The following GALNT16 variants were observed in gnomAD, a reference collection of about 807,000 sequenced individuals.
GALNT16 encodes the protein polypeptide N-acetylgalactosaminyltransferase 16.
GALNT16 carries 40 observed loss-of-function variants against 76.1 expected under a neutral mutation model. The observed-to-expected ratio is 0.53, with a 90% CI of 0.41 to 0.68. The LOEUF (loss-of-function observed/expected upper bound fraction) is 0.68, where lower values mean the gene tolerates loss of function less well. Ranked by LOEUF, GALNT16 falls within the 30% of genes least tolerant of loss-of-function variation. The pLI is 0.00. For synonymous variants in GALNT16, 276 were observed against 285.2 expected (o/e 0.97, Z 0.32); for missense variants, 621 against 731.9 (o/e 0.85, Z 1.75).
At position 69,324,737 on chromosome 14, in the gene GALNT16, C is replaced by T. The variant is rs1746238111; in HGVS notation, c.381C>T (p.Val127=). 1 of 1,613,392 alleles carries T rather than the reference C, an allele frequency of 6.2e-7. No homozygotes were observed. Residue 127 remains valine, a synonymous_variant, in exon 3 of 15, where the codon GTC becomes GTT. Coordinates refer to ENST00000448469, the MANE Select transcript of GALNT16 (RefSeq NM_001168368.2). The part of the protein sequence containing the change: ...SYSSDLPATS[V]IITFHNEARS... ...CCTCGGACCTGCCAGCCACCAGCGT[C>T]ATCATCACCTTCCACAATGAGGCCC...
the GALNT16 span, among the ~76,000 whole-genome samples, chr14:69,363,742 C>G: frequency 6.6e-6 from 1 of 152,168 alleles, no homozygotes; most frequent in African/African-American, 2.4e-5. Context: ...CTAGAAGGCA[C>G]TGACTCTAAC....
At chr14:69,360,223 C>T (rs1337661030), downstream of GALNT16, among the ~76,000 whole-genome samples, 1 of 151,760 alleles carries the variant, frequency 6.6e-6, no homozygotes, top group Non-Finnish European at 1.5e-5. Flanking sequence ...TGTGGTGGTG[C>T]ATGCCTGTAG....
In GALNT16 at chr14:69,325,337, T is replaced by C. The variant is rs760619333; in HGVS notation, c.435T>C (p.Ser145=). 1.2e-5 allele frequency: 19 copies of C among 1,579,570 alleles called. No homozygotes were observed. The South Asian group carries it at 2.1e-4, about 17-fold the overall frequency. Residue 145 remains serine, a splice_region_variant and synonymous_variant, in exon 4 of 15, where the codon AGT becomes AGC. Transcript: ENST00000448469. ...TTCTCTGTTTCCACTGCTACTGTAG[T>C]GTCCTGAACCGAACTCCTGCCAACT... ...ARSTLLRTVK[S]VLNRTPANLI...
Position 69,352,020 on chromosome 14 carries a change from G to A in GALNT16, c.1540-11G>A. The stretch of plus-strand genomic sequence containing the variant: ...CTCCTTCCTCTTCTAACCCATCTCT[G>A]TTCCTCCTAGAAATGGAGGAGAAAA... On this transcript the variant is annotated splice_polypyrimidine_tract_variant and intron_variant, in intron 14 of 14. Transcript: ENST00000448469. 1 of 1,606,278 alleles carries A rather than the reference G, an allele frequency of 6.2e-7. No homozygotes were observed.
intron 1 of GALNT16, among the ~76,000 whole-genome samples, chr14:69,264,546 T>C (rs1257762459): frequency 6.6e-6 from 1 of 152,166 alleles, no homozygotes; most frequent in Non-Finnish European, 1.5e-5. Flanking sequence ...AAATGATGGC[T>C]TTTCTGGTAG....
At chr14:69,384,507 G>A in the GALNT16 span, among the ~76,000 whole-genome samples, 1 of 152,100 alleles carries the variant, frequency 6.6e-6, no homozygotes, top group Non-Finnish European at 1.5e-5. Flanking sequence ...ATGATCCTTT[G>A]CTTCAAGTTT....
rs545114020 is a variant in GALNT16, at chr14:69,273,817, A to C, written c.177+13350A>C. Among the ~76,000 whole-genome samples the C allele has an allele frequency of 5.9e-5, 9 of 152,348 alleles. 1 individual carries two copies. The East Asian group carries it at 1.2e-3, about 20-fold the overall frequency. On this transcript the variant is annotated intron_variant, in intron 1 of 14. Coordinates refer to ENST00000448469, the MANE Select transcript of GALNT16 (RefSeq NM_001168368.2). The stretch of plus-strand genomic sequence containing the variant: ...TCAGCCTACTGGCAAGATAGGACAT[A>C]GTTAGAGCCGTAAACCCAAGAAGAG...
chr14:69,294,974 G>A (rs1342269590), intron 1 of GALNT16, among the ~76,000 whole-genome samples: 1 of 152,132 alleles, frequency 6.6e-6, no homozygotes, highest in Non-Finnish European at 1.5e-5. Context: ...GAATGGATAT[G>A]CCTCATATTT....
chr14:69,377,804 C>CAAAAAAAAAAAA, the GALNT16 span, among the ~76,000 whole-genome samples: 5 of 37,486 alleles, frequency 1.3e-4, no homozygotes, highest in Non-Finnish European at 1.8e-4. Context: ...GAGACTGTCT[C>CAAAAAAAAAAAA]AAAAAAAAAA....
At chr14:69,360,280 G>A (rs2045716172), downstream of GALNT16, among the ~76,000 whole-genome samples, 1 of 151,954 alleles carries the variant, frequency 6.6e-6, no homozygotes, top group Non-Finnish European at 1.5e-5. Flanking sequence ...TTGATCCCAG[G>A]AGGTTGAGGC....
At chr14:69,286,241 T>C (rs2044609848) in intron 1 of GALNT16, among the ~76,000 whole-genome samples, 1 of 151,914 alleles carries the variant, frequency 6.6e-6, no homozygotes, top group South Asian at 2.1e-4. Context: ...ATTACTGCTC[T>C]ATTTCTTGGT....
chr14:69,368,833 C>T, the GALNT16 span, among the ~76,000 whole-genome samples: 3 of 152,154 alleles, frequency 2.0e-5, no homozygotes, highest in African/African-American at 4.8e-5. Flanking sequence ...TGGTAAAACT[C>T]GAAGACAATG....
At chr14:69,384,211 T>C in the GALNT16 span, among the ~76,000 whole-genome samples, 1 of 152,358 alleles carries the variant, frequency 6.6e-6, no homozygotes, top group Admixed American at 6.5e-5. Flanking sequence ...TTTAAGAACA[T>C]GCTTGTAATT....
the GALNT16 span, among the ~76,000 whole-genome samples, chr14:69,377,958 T>C: frequency 6.6e-6 from 1 of 152,170 alleles, no homozygotes; most frequent in African/African-American, 2.4e-5. Context: ...AAGACCATCC[T>C]GATGTAAAGT....
At chr14:69,356,158 C>G (rs1004805820), downstream of GALNT16, 1 of 152,270 alleles carries the variant, frequency 6.6e-6, no homozygotes, top group African/African-American at 2.4e-5. Flanking sequence ...CACTGCCAGG[C>G]ACTTAGGAAA....
intron 2 of GALNT16, among the ~76,000 whole-genome samples, chr14:69,322,990 A>G (rs200277636): frequency 0.24 from 5,357 of 22,088 alleles, 304 homozygotes; most frequent in African/African-American, 0.42. Flanking sequence ...GTGCGCGCGC[A>G]CGCGCGCACG....
At chr14:69,372,280 C>T in the GALNT16 span, among the ~76,000 whole-genome samples, 119 of 152,200 alleles carry the variant, frequency 7.8e-4, 2 homozygotes, top group East Asian at 0.022. Context: ...GTGATCCATC[C>T]ACAGGCTCTT....
intron 1 of GALNT16, among the ~76,000 whole-genome samples, chr14:69,297,636 A>AG (rs2044786759): frequency 6.6e-6 from 1 of 151,530 alleles, no homozygotes; most frequent in Non-Finnish European, 1.5e-5. Context: ...AAAGCCAAAA[A>AG]AAAAAACAAA....
At chr14:69,347,204 G>A (rs1370127180) in intron 13 of GALNT16, 23 bp downstream of exon 13, 1 of 1,583,706 alleles carries the variant, frequency 6.3e-7, no homozygotes, top group Non-Finnish European at 8.6e-7. Flanking sequence ...GGTAGGAATG[G>A]GAGTGGGAGA....
Sources: gnomAD v4.1 joint callset for allele counts (sites outside exome capture counted in the v4.1 genomes callset) on GRCh38, gnomAD v4.1.1 for gene constraint, MANE v1.5 for transcripts, NCBI Gene and HGNC (gene_info 2026-07-23, HGNC 2026-07-21) for gene names.